NME7: variants seen among roughly 807,000 people sequenced by gnomAD.
The protein encoded by NME7 is NME/NM23 family member 7, also known as nucleoside diphosphate kinase 7.
A neutral mutation model predicts 49.1 loss-of-function variants in NME7; 41 were observed. That is an observed-to-expected ratio of 0.83 (90% confidence interval 0.65 to 1.08). The LOEUF is 1.08. Ranked by LOEUF, NME7 falls within the 50% of genes least tolerant of loss-of-function variation. The pLI is 0.00. For missense variants in NME7, 423 were observed against 463.4 expected, an observed-to-expected ratio of 0.91 and a Z score of 0.80; for synonymous variants, 139 against 150.6, an observed-to-expected ratio of 0.92 and a Z score of 0.56.
intron 10 of NME7, among the ~76,000 whole-genome samples, chr1:169,215,103 A>G (rs1477535084): frequency 6.6e-6 from 1 of 152,208 alleles, no homozygotes; most frequent in Non-Finnish European, 1.5e-5. Flanking sequence ...CAATGAAAGT[A>G]GCTCTCAGTG....
At chr1:169,301,297 A>G (rs1650929787) in intron 5 of NME7, among the ~76,000 whole-genome samples, 1 of 152,190 alleles carries the variant, frequency 6.6e-6, no homozygotes, top group Non-Finnish European at 1.5e-5. Context: ...AAGAACATAC[A>G]AGCAGCCAAT....
At chr1:169,172,304 C>A (rs2101735454) in intron 10 of NME7, among the ~76,000 whole-genome samples, 1 of 149,816 alleles carries the variant, frequency 6.7e-6, no homozygotes, top group South Asian at 2.1e-4. Flanking sequence ...AAAAACAAAC[C>A]CACAAAAACA....
chr1:169,357,759 G>C (rs1309552826), intron 1 of NME7, among the ~76,000 whole-genome samples: 1 of 152,020 alleles, frequency 6.6e-6, no homozygotes, highest in East Asian at 1.9e-4. Flanking sequence ...CTGAGTCTAA[G>C]TGGCAAGAAA....
intron 6 of NME7, among the ~76,000 whole-genome samples, chr1:169,297,886 G>C (rs1650772731): frequency 6.6e-6 from 1 of 152,102 alleles, no homozygotes; most frequent in Admixed American, 6.6e-5. Context: ...TCAGATTCAG[G>C]GTTTATTTTG....
chr1:169,241,247 T>C (rs534401271), intron 7 of NME7, among the ~76,000 whole-genome samples: 1 of 152,128 alleles, frequency 6.6e-6, no homozygotes, highest in East Asian at 1.9e-4. Context: ...TGGCTTTTTT[T>C]TCCCCCTGCA....
Position 169,239,664 on chromosome 1 carries a change from T to C in NME7, c.755-1977A>G, listed in dbSNP as rs985246129. Among the ~76,000 whole-genome samples the C allele has an allele frequency of 6.6e-5, 10 of 151,968 alleles. No individual in the cohort carries two copies. The South Asian group carries it at 1.9e-3, about 28-fold the overall frequency. Reference sequence around the variant, plus strand: ...TGACATGGGATTGCATACCAACAGATAGAGTTATAAAGACAGAATAAGAGG... The same window carrying C: ...TGACATGGGATTGCATACCAACAGACAGAGTTATAAAGACAGAATAAGAGG... On this transcript the variant is annotated intron_variant, in intron 7 of 11. Coordinates refer to ENST00000367811, the MANE Select transcript of NME7 (RefSeq NM_013330.5).
intron 1 of NME7, among the ~76,000 whole-genome samples, chr1:169,348,691 CA>C (rs1289763336): frequency 2.0e-5 from 3 of 152,062 alleles, no homozygotes; most frequent in African/African-American, 7.2e-5. Flanking sequence ...AGCCATTTCA[CA>C]AAGCCATTTC....
At chr1:169,234,814 T>C (rs1476413016) in intron 9 of NME7, among the ~76,000 whole-genome samples, 4 of 152,242 alleles carry the variant, frequency 2.6e-5, no homozygotes, top group Admixed American at 1.3e-4. Flanking sequence ...GTTTGAAGAA[T>C]GTAATGTGGA....
Position 169,132,713 on chromosome 1 carries a change from G to T in NME7, c.*72C>A. On this transcript the variant is annotated 3_prime_UTR_variant, in exon 12 of 12. Transcript: ENST00000367811. ...TTAAAACAACGGACAATAAAAGAAT[G>T]AACACATTCCTCGTGTGTGATTCAC... is the stretch of plus-strand genomic sequence containing the variant. The T allele has an allele frequency of 2.1e-6, 3 of 1,404,212 alleles. No homozygotes were observed. Among genetic ancestry groups the T allele is most frequent in the Non-Finnish European group, 3.0e-6 (3 of 997,624 alleles). 87.0% of individuals were successfully genotyped at this position (1,404,212 alleles called of 1,614,324 possible). A position where few individuals can be genotyped will look rare whatever the true frequency, so the allele number is the denominator to read the frequency against.
Position 169,166,236 on chromosome 1 carries a change from A to C in NME7, c.1098+3211T>G, listed in dbSNP as rs114383752. ...CTAGTTGATAGGTCCAAGCTATCAGAAAGTGAGGAAATATTTATTTATAAA... is the reference window on the plus strand; with the variant it reads ...CTAGTTGATAGGTCCAAGCTATCAGCAAGTGAGGAAATATTTATTTATAAA... On this transcript the variant is annotated intron_variant, in intron 11 of 11. Transcript: ENST00000367811. 6.9e-3 allele frequency among the ~76,000 whole-genome samples: 1,058 copies of C among 152,284 alleles called. 14 individuals are homozygous for C. Among genetic ancestry groups the C allele is most frequent in the African/African-American group, 0.025 (1,022 of 41,566 alleles).
intron 10 of NME7, among the ~76,000 whole-genome samples, chr1:169,179,275 T>C (rs925130828): frequency 6.6e-6 from 1 of 152,150 alleles, no homozygotes; most frequent in Non-Finnish European, 1.5e-5. Flanking sequence ...CTCACACCAG[T>C]CAGAATGGCT....
chr1:169,143,163 T>G (rs1345951380), intron 11 of NME7, among the ~76,000 whole-genome samples: 1 of 151,964 alleles, frequency 6.6e-6, no homozygotes, highest in Non-Finnish European at 1.5e-5. Flanking sequence ...TCAACGCCCA[T>G]TCCCCTCAAG....
intron 11 of NME7, among the ~76,000 whole-genome samples, chr1:169,142,440 C>G (rs1658622802): frequency 6.6e-6 from 1 of 152,168 alleles, no homozygotes; most frequent in African/African-American, 2.4e-5. Flanking sequence ...TGATGACTTA[C>G]AGCAATAAAT....
chr1:169,206,748 T>G (rs963014110), intron 10 of NME7, among the ~76,000 whole-genome samples: 3 of 125,820 alleles, frequency 2.4e-5, no homozygotes, highest in African/African-American at 8.1e-5. Context: ...AGCAGCTGAT[T>G]TAATAACTCT....
Position 169,283,128 on chromosome 1 carries a change from G to A in NME7, c.754+4175C>T, listed in dbSNP as rs995697213. 5.3e-5 allele frequency among the ~76,000 whole-genome samples: 8 copies of A among 152,100 alleles called. No homozygotes were observed. In the East Asian group the frequency reaches 5.8e-4, roughly 11 times the overall value. Reference sequence around the variant, plus strand: ...GCATGTACTTTATGAATCTGGGTGCGCTTGTATTGGGTGCATACATATTTA... The same window carrying A: ...GCATGTACTTTATGAATCTGGGTGCACTTGTATTGGGTGCATACATATTTA... On this transcript the variant is annotated intron_variant, in intron 7 of 11. Coordinates refer to ENST00000367811, the MANE Select transcript of NME7 (RefSeq NM_013330.5).
chr1:169,187,193 G>C (rs1660090037), intron 10 of NME7, among the ~76,000 whole-genome samples: 1 of 152,094 alleles, frequency 6.6e-6, no homozygotes, highest in South Asian at 2.1e-4. Flanking sequence ...GTCAATTTTA[G>C]AATAAGTGCG....
chr1:169,325,604 G>T (rs922880928), intron 1 of NME7, among the ~76,000 whole-genome samples: 1 of 152,136 alleles, frequency 6.6e-6, no homozygotes, highest in African/African-American at 2.4e-5. Context: ...AAAGCATAGG[G>T]AAGAAGGGAA....
At chr1:169,279,396 G>A (rs573931123) in intron 7 of NME7, among the ~76,000 whole-genome samples, 10 of 152,172 alleles carry the variant, frequency 6.6e-5, no homozygotes, top group African/African-American at 2.4e-4. Flanking sequence ...GCAATGGCAG[G>A]ATCCCCTCCC....
chr1:169,210,894 C>T (rs771881747), intron 10 of NME7, among the ~76,000 whole-genome samples: 7 of 152,082 alleles, frequency 4.6e-5, no homozygotes, highest in Non-Finnish European at 1.0e-4. Context: ...CCTTTGTTTG[C>T]AGGCCACATT....
Sources: allele counts gnomAD v4.1 joint callset (sites outside exome capture counted in the v4.1 genomes callset), GRCh38; gene constraint gnomAD v4.1.1; transcripts MANE v1.5; gene names NCBI Gene and HGNC (gene_info 2026-07-23, HGNC 2026-07-21).